SEMA6B: variants seen among roughly 807,000 people sequenced by gnomAD.
SEMA6B encodes the protein semaphorin 6B.
A neutral mutation model predicts 78.6 loss-of-function variants in SEMA6B; 47 were observed. The ratio of observed to expected loss-of-function variants is 0.60; its 90% confidence interval spans 0.47 to 0.76. SEMA6B has a LOEUF of 0.76. Ranked by LOEUF, SEMA6B falls within the 30% of genes least tolerant of loss-of-function variation. SEMA6B has a pLI of 0.00. For missense variants in SEMA6B, 1,213 were observed against 1,269.9 expected (o/e 0.96, Z 0.68); for synonymous variants, 632 against 592.2 (o/e 1.07, Z -0.98).
At chr19:4,551,017 G>T in intron 10 of SEMA6B, 87 bp from the exon 11 acceptor site, 1 of 1,482,448 alleles carries the variant, frequency 6.7e-7, no homozygotes, top group Non-Finnish European at 9.3e-7. Context: ...GTCTGCAGGA[G>T]CCAGTGAATC....
rs1977534740 is a variant in SEMA6B at position 4,558,440 on chromosome 19, C to T, written c.18G>A (p.Ala6=). ...GCAGCAGGGCCGGGCGGGGAGGGGACGCTCGCGGGGTCTGCATGGCGAGGG... is the reference window on the plus strand; with the variant it reads ...GCAGCAGGGCCGGGCGGGGAGGGGATGCTCGCGGGGTCTGCATGGCGAGGG... MQTPR[A]SPPRPALLLL... is the part of the protein sequence containing the mutation. The change falls in exon 2 of 17, where the codon GCG becomes GCA. Residue 6 remains alanine (A), a synonymous_variant. Transcript: ENST00000586582. This position sits in a 1 kb window ranked among gnomAD's most constrained non-coding sequence, Gnocchi z 5.1. 2.4e-6 allele frequency: 3 copies of T among 1,251,664 alleles called. No homozygotes were observed. The highest frequency in any genetic ancestry group is 4.1e-5 in the Admixed American group (1 of 24,270). The allele number at this position is 1,251,664 out of a possible 1,614,324, so 77.5% of individuals were successfully genotyped here.
Position 4,544,470 on chromosome 19 carries a change from C to T in SEMA6B, c.1798G>A (p.Val600Ile). 2 of 1,597,684 alleles carry T rather than the reference C, an allele frequency of 1.3e-6. No individual in the cohort carries two copies. The highest frequency in any genetic ancestry group is 1.7e-6 in the Non-Finnish European group (2 of 1,173,046). ...RAGLVSVNLL[V>I]TSSVAAFVVG... ...ACGAAGGCCGCCACCGACGACGTTA[C>T]CAGCAGGTTCACCGACACCAGCCCC... The change falls in exon 17 of 17, where the codon GTA becomes ATA. Residue 600 changes from valine to isoleucine, a missense_variant. Physicochemically the swap from Val to Ile is conservative, Grantham distance 29. Coordinates refer to ENST00000586582, the MANE Select transcript of SEMA6B (RefSeq NM_032108.4). This position sits in a 1 kb window ranked among gnomAD's most constrained non-coding sequence, Gnocchi z 5.1.
rs139354638 is a variant in SEMA6B, at chr19:4,550,074, C to T, written c.1271+49G>A. 111 of 1,594,864 alleles carry T rather than the reference C, an allele frequency of 7.0e-5. No individual in the cohort carries two copies. The African/African-American group carries it at 1.4e-3, about 20-fold the overall frequency. ...GCATCTGGATCCTCTCACCCTCCAT[C>T]TACCCCATCCTGTCTCCCCTCGCCA... On this transcript the variant is annotated intron_variant, in intron 12 of 16. Coordinates refer to ENST00000586582, the MANE Select transcript of SEMA6B (RefSeq NM_032108.4). The surrounding 1 kb of genome is among the most constrained non-coding windows in gnomAD (Gnocchi z 6.6).
In SEMA6B at chr19:4,548,321, A is replaced by C; in HGVS notation, c.1396T>G (p.Ser466Ala). 1 of 1,613,886 alleles carries C rather than the reference A, an allele frequency of 6.2e-7. No individual in the cohort carries two copies. Among genetic ancestry groups the C allele is most frequent in the Non-Finnish European group, 8.5e-7 (1 of 1,179,996 alleles). The part of the protein sequence containing the change: ...KFLVRPNAST[S>A]GTSGLSVFLE... ...AAGACACTGAGCCCAGACGTCCCTG[A>C]GGTGCTGGCATTGGGCCGGACGAGG... The change falls in exon 13 of 17, where the codon TCA becomes GCA. Residue 466 changes from serine to alanine, a missense_variant. Ser to Ala is a moderately conservative substitution (Grantham distance 99, BLOSUM62 1). Transcript: ENST00000586582.
chr19:4,546,405 T>C lies in SEMA6B; in HGVS notation c.1666A>G (p.Ser556Gly). 1.3e-6 allele frequency: 2 copies of C among 1,584,218 alleles called. No individual in the cohort carries two copies. Among genetic ancestry groups the C allele is most frequent in the South Asian group, 2.3e-5 (2 of 87,154 alleles). Reference protein sequence around the residue: ...WAPDGSCIFLSPGTRAAFEQD... With the variant: ...WAPDGSCIFLGPGTRAAFEQD... ...CTCCCGCAGTACCTGGTGCCCGGGC[T>C]GAGGAAGATGCAGGAGCCGTCGGGG... Residue 556 changes from serine to glycine, a missense_variant, in exon 15 of 17, where the codon AGC becomes GGC. Coordinates refer to ENST00000586582, the MANE Select transcript of SEMA6B (RefSeq NM_032108.4).
chr19:4,547,474 G>A (rs1013520620), intron 14 of SEMA6B, among the ~76,000 whole-genome samples: 3 of 152,194 alleles, frequency 2.0e-5, no homozygotes, highest in African/African-American at 7.2e-5. Flanking sequence ...CAATAACGGC[G>A]GGCAGGAAGC....
Position 4,550,785 on chromosome 19 carries a change from G to A in SEMA6B, c.1121+14C>T. 1 of 1,613,060 alleles carries A rather than the reference G, an allele frequency of 6.2e-7. No individual in the cohort carries two copies. Among genetic ancestry groups the A allele is most frequent in the South Asian group, 1.1e-5 (1 of 91,064 alleles). ...TCATCCGGGCATGTGACTCAGGATG[G>A]AGGGGGTTCTCACCGGGGTCGAGGC... is the stretch of plus-strand genomic sequence containing the variant. On this transcript the variant is annotated intron_variant, in intron 11 of 16. Coordinates refer to ENST00000586582, the MANE Select transcript of SEMA6B (RefSeq NM_032108.4). The surrounding 1 kb of genome is among the most constrained non-coding windows in gnomAD (Gnocchi z 6.6).
In SEMA6B at chr19:4,544,345, C is replaced by G. The variant is rs200785087; in HGVS notation, c.1923G>C (p.Ala641=). 2.1e-4 allele frequency: 320 copies of G among 1,545,428 alleles called. 1 individual carries two copies. In the African/African-American group the frequency reaches 4.0e-3, roughly 20 times the overall value. The change falls in exon 17 of 17, where the codon GCG becomes GCC. Residue 641 remains alanine, a synonymous_variant. Transcript: ENST00000586582. The surrounding 1 kb of genome is among the most constrained non-coding windows in gnomAD (Gnocchi z 5.1). Reference sequence around the variant, plus strand: ...TCAGCACCGCCTCGCCCGCCCCGTGCGCCAGGATGGCCTCCTTGTCCTTGC... The same window carrying G: ...TCAGCACCGCCTCGCCCGCCCCGTGGGCCAGGATGGCCTCCTTGTCCTTGC... ...ARRKDKEAIL[A]HGAGEAVLSV...
At position 4,542,903 on chromosome 19, in the gene SEMA6B, G is replaced by GT. The variant is rs752649533; in HGVS notation, c.*697dup. 2.9e-6 allele frequency: 2 copies of GT among 698,904 alleles called. No individual in the cohort carries two copies. The highest frequency in any genetic ancestry group is 5.2e-6 in the Non-Finnish European group (2 of 384,810). 43.3% of individuals were successfully genotyped at this position (698,904 alleles called of 1,614,324 possible). A position where few individuals can be genotyped will look rare whatever the true frequency, so the allele number is the denominator to read the frequency against. ...CATTGTCCCCGCTTCCCTCTGCAGAGTGGGGGGGGTTCAAACTCCTAACCG... is the reference window on the plus strand; with the variant it reads ...CATTGTCCCCGCTTCCCTCTGCAGAGTTGGGGGGGGTTCAAACTCCTAACCG... On this transcript the variant is annotated 3_prime_UTR_variant, in exon 17 of 17. Coordinates refer to ENST00000586582, the MANE Select transcript of SEMA6B (RefSeq NM_032108.4).
intron 12 of SEMA6B, 139 bp from the exon 13 acceptor site, chr19:4,548,584 G>C: frequency 1.3e-6 from 1 of 787,802 alleles, no homozygotes; most frequent in South Asian, 1.7e-5. Context: ...GTGTGTGCAT[G>C]GATGCCGGGG....
At chr19:4,549,832 C>T (rs1002754585) in intron 12 of SEMA6B, among the ~76,000 whole-genome samples, 7 of 151,984 alleles carry the variant, frequency 4.6e-5, no homozygotes, top group Admixed American at 3.9e-4. Context: ...AGGGTGGTCT[C>T]GAATTCCTGG....
In SEMA6B at chr19:4,543,794, G is replaced by T; in HGVS notation, c.2474C>A (p.Pro825Gln). The change falls in exon 17 of 17, where the codon CCG becomes CAG. Residue 825 changes from proline (P) to glutamine (Q), a missense_variant. Coordinates refer to ENST00000586582, the MANE Select transcript of SEMA6B (RefSeq NM_032108.4). ...DGLPRPWSPP[P>Q]TGSLRRPLGP... Reference sequence around the variant, plus strand: ...CAGTGGCCTCCTCAGGCTGCCCGTCGGGGGCGGGCTCCAGGGCCGCGGGAG... The same window carrying T: ...CAGTGGCCTCCTCAGGCTGCCCGTCTGGGGCGGGCTCCAGGGCCGCGGGAG... 2 of 1,220,162 alleles carry T rather than the reference G, an allele frequency of 1.6e-6. No individual in the cohort carries two copies. 75.6% of individuals were successfully genotyped at this position (1,220,162 alleles called of 1,614,324 possible).
At chr19:4,548,532 T>C in intron 12 of SEMA6B, 87 bp from the exon 13 acceptor site, 1 of 1,245,430 alleles carries the variant, frequency 8.0e-7, no homozygotes, top group East Asian at 2.4e-5. Flanking sequence ...CACGGGTGCA[T>C]ACAGACACTG....
chr19:4,544,549 G>A lies in SEMA6B; in HGVS notation c.1739-20C>T. On this transcript the variant is annotated intron_variant, in intron 16 of 16. Coordinates refer to ENST00000586582, the MANE Select transcript of SEMA6B (RefSeq NM_032108.4). The surrounding 1 kb of genome is among the most constrained non-coding windows in gnomAD (Gnocchi z 5.1). ...GGAGTCCTGGCCGGGGAGCACAGGG[G>A]GGTTAGTGGGGCCGGCGGGGTGGCC... 6.9e-7 allele frequency: 1 copy of A among 1,453,036 alleles called. No individual in the cohort carries two copies. The highest frequency in any genetic ancestry group is 9.1e-7 in the Non-Finnish European group (1 of 1,094,670). The allele number at this position is 1,453,036 out of a possible 1,614,324, so 90.0% of individuals were successfully genotyped here.
At position 4,544,373 on chromosome 19, in the gene SEMA6B, C is replaced by T. The variant is rs1343056239; in HGVS notation, c.1895G>A (p.Arg632Gln). ...CAGGATGGCCTCCTTGTCCTTGCGC[C>T]GGGCCAGCTCCCGCCGCTCACGGAG... ...VGLRERRELA[R>Q]RKDKEAILAH... is the part of the protein sequence containing the mutation. The change falls in exon 17 of 17, where the codon CGG becomes CAG. Residue 632 changes from arginine (R) to glutamine (Q), a missense_variant. Transcript: ENST00000586582. The surrounding 1 kb of genome is among the most constrained non-coding windows in gnomAD (Gnocchi z 5.1). 3 of 1,584,604 alleles carry T rather than the reference C, an allele frequency of 1.9e-6. No individual in the cohort carries two copies. Among genetic ancestry groups the T allele is most frequent in the Non-Finnish European group, 2.6e-6 (3 of 1,168,502 alleles).
chr19:4,546,480 C>A lies in SEMA6B; in HGVS notation c.1602-11G>T. On this transcript the variant is annotated splice_polypyrimidine_tract_variant and intron_variant, in intron 14 of 16. Coordinates refer to ENST00000586582, the MANE Select transcript of SEMA6B (RefSeq NM_032108.4). ...CTGCCGATACAGTTCCTAGAGCAGACCAGGGACCGAATGGGACAAGTGTCC... is the reference window on the plus strand; with the variant it reads ...CTGCCGATACAGTTCCTAGAGCAGAACAGGGACCGAATGGGACAAGTGTCC... The A allele has an allele frequency of 1.3e-6, 2 of 1,542,638 alleles. No homozygotes were observed. The highest frequency in any genetic ancestry group is 1.8e-6 in the Non-Finnish European group (2 of 1,140,708).
At chr19:4,553,693 T>A (rs542684114) in intron 9 of SEMA6B, among the ~76,000 whole-genome samples, 178 of 121,052 alleles carry the variant, frequency 1.5e-3, no homozygotes, top group African/African-American at 5.5e-3. Context: ...GGCAGCTGGA[T>A]GGATGGATGG....
At position 4,548,754 on chromosome 19, in the gene SEMA6B, G is replaced by A. The variant is rs1179641130; in HGVS notation, c.1272-309C>T. The stretch of plus-strand genomic sequence containing the variant: ...GCAATCTCAGCTCATTGCAACCTCC[G>A]CCTCCCGGGTTCAAGCAATTCTCTT... On this transcript the variant is annotated intron_variant, in intron 12 of 16. Transcript: ENST00000586582. 7.2e-5 allele frequency among the ~76,000 whole-genome samples: 11 copies of A among 152,174 alleles called. 1 individual carries two copies. Among genetic ancestry groups the A allele is most frequent in the African/African-American group, 1.4e-4 (6 of 41,460 alleles).
At position 4,543,757 on chromosome 19, in the gene SEMA6B, G is replaced by C. The variant is rs1301609289; in HGVS notation, c.2511C>G (p.Ala837=). The change falls in exon 17 of 17, where the codon GCC becomes GCG. Residue 837 remains alanine (A), a synonymous_variant. Transcript: ENST00000586582. ...TGCGGCGCAGGGTGGCGGCCGGAGG[G>C]GCGTGGGGGCCCAGTGGCCTCCTCA... ...GSLRRPLGPH[A]PPAATLRRTH... The C allele has an allele frequency of 1.1e-5, 13 of 1,225,878 alleles. No homozygotes were observed. Among genetic ancestry groups the C allele is most frequent in the Non-Finnish European group, 1.3e-5 (13 of 984,218 alleles). 75.9% of individuals were successfully genotyped at this position (1,225,878 alleles called of 1,614,324 possible). A position where few individuals can be genotyped will look rare whatever the true frequency, so the allele number is the denominator to read the frequency against.
Sources: gnomAD v4.1 joint callset for allele counts (sites outside exome capture counted in the v4.1 genomes callset) on GRCh38, gnomAD v4.1.1 for gene constraint, Gnocchi (gnomAD v3.1) non-coding constraint, MANE v1.5 for transcripts, NCBI Gene and HGNC (gene_info 2026-07-23, HGNC 2026-07-21) for gene names.